CLNK: variants seen among roughly 807,000 people sequenced by gnomAD.
CLNK encodes the protein cytokine dependent hematopoietic cell linker, also known as cytokine-dependent hematopoietic cell linker.
CLNK carries 74 observed loss-of-function variants against 68.6 expected under a neutral mutation model. The ratio of observed to expected loss-of-function variants is 1.08; its 90% CI spans 0.89 to 1.31. CLNK has a LOEUF of 1.31. CLNK is among the 50% of genes most tolerant of loss of function. The pLI, the probability that CLNK is intolerant of heterozygous loss-of-function variation, is 0.00. For missense variants in CLNK, 553 were observed against 515.3 expected (o/e 1.07, Z -0.71); for synonymous variants, 198 against 172.2 (o/e 1.15, Z -1.17).
intron 2 of CLNK, among the ~76,000 whole-genome samples, chr4:10,607,068 T>C (rs908620542): frequency 1.3e-5 from 2 of 152,170 alleles, no homozygotes; most frequent in Non-Finnish European, 2.9e-5. Flanking sequence ...GTTAGACATA[T>C]CTTGGTTCAA....
intron 2 of CLNK, among the ~76,000 whole-genome samples, chr4:10,659,855 T>A (rs909918085): frequency 3.9e-4 from 59 of 152,356 alleles, no homozygotes; most frequent in Middle Eastern, 3.4e-3. Context: ...TCATATTAAT[T>A]AAAAACTTTT....
intron 1 of CLNK, among the ~76,000 whole-genome samples, chr4:10,675,271 G>T (rs535598473): frequency 3.3e-5 from 5 of 152,258 alleles, no homozygotes; most frequent in Admixed American, 6.5e-5. Flanking sequence ...ACATACATTC[G>T]ATTTGGGCAC....
At chr4:10,500,685 A>C (rs1168642845) in intron 18 of CLNK, among the ~76,000 whole-genome samples, 1 of 151,662 alleles carries the variant, frequency 6.6e-6, no homozygotes, top group African/African-American at 2.4e-5. Flanking sequence ...AAAAAAAAAA[A>C]ATGCAGATAG....
At chr4:10,646,294 G>C (rs547237190) in intron 2 of CLNK, among the ~76,000 whole-genome samples, 2 of 152,002 alleles carry the variant, frequency 1.3e-5, no homozygotes, top group African/African-American at 4.8e-5. Flanking sequence ...TAACTTGAAC[G>C]CTTCTTTTAA....
chr4:10,548,891 A>G (rs1202380222), intron 8 of CLNK, among the ~76,000 whole-genome samples: 2 of 152,192 alleles, frequency 1.3e-5, no homozygotes, highest in Non-Finnish European at 2.9e-5. Context: ...TGTTTGGTGT[A>G]CCACTGACCA....
chr4:10,542,248 C>A lies in CLNK; in HGVS notation c.471+7G>T, dbSNP rs529244683. The A allele has an allele frequency of 1.3e-6, 2 of 1,511,466 alleles. No homozygotes were observed. The highest frequency in any genetic ancestry group is 1.8e-6 in the Non-Finnish European group (2 of 1,104,794). 93.6% of individuals were successfully genotyped at this position (1,511,466 alleles called of 1,614,324 possible). ...AATAACAAATGCATTTTATTGATTTCTCTTACCTTGTTCTTTCTTACGGAT... is the reference window on the plus strand; with the variant it reads ...AATAACAAATGCATTTTATTGATTTATCTTACCTTGTTCTTTCTTACGGAT... On this transcript the variant is annotated splice_region_variant and intron_variant, in intron 9 of 18. Coordinates refer to ENST00000226951, the MANE Select transcript of CLNK (RefSeq NM_052964.4).
In CLNK at chr4:10,635,224, G is replaced by C. The variant is rs541150209; in HGVS notation, c.11+32635C>G. 2.0e-5 allele frequency among the ~76,000 whole-genome samples: 3 copies of C among 152,262 alleles called. No individual in the cohort carries two copies. In the South Asian group the frequency reaches 6.2e-4, roughly 32 times the overall value. ...CCTGAGTTTCCGACATTCCGTATTAGACATATGTTGCTCATTTTGACTGCC... is the reference window on the plus strand; with the variant it reads ...CCTGAGTTTCCGACATTCCGTATTACACATATGTTGCTCATTTTGACTGCC... On this transcript the variant is annotated intron_variant, in intron 2 of 18. Coordinates refer to ENST00000226951, the MANE Select transcript of CLNK (RefSeq NM_052964.4).
At position 10,671,004 on chromosome 4, in the gene CLNK, T is replaced by C. The variant is rs533894954; in HGVS notation, c.-42-3093A>G. Among the ~76,000 whole-genome samples, 342 of 152,356 alleles carry C rather than the reference T, an allele frequency of 2.2e-3. 4 individuals carry two copies. The highest frequency in any genetic ancestry group is 7.9e-3 in the African/African-American group (329 of 41,582). On this transcript the variant is annotated intron_variant, in intron 1 of 18. Transcript: ENST00000226951. ...AAATTTGAATAAAAGTTAAAAATATTAGTAGCTTTTGAGAGATGCAAGCAC... is the reference window on the plus strand; with the variant it reads ...AAATTTGAATAAAAGTTAAAAATATCAGTAGCTTTTGAGAGATGCAAGCAC...
chr4:10,705,903 T>A, the CLNK span, among the ~76,000 whole-genome samples: 1 of 152,242 alleles, frequency 6.6e-6, no homozygotes, highest in Non-Finnish European at 1.5e-5. Context: ...TGTAAGACAC[T>A]GGACTAATTT....
chr4:10,699,109 G>C, the CLNK span, among the ~76,000 whole-genome samples: 1 of 150,912 alleles, frequency 6.6e-6, no homozygotes, highest in African/African-American at 2.4e-5. Context: ...TGGGTCTCTA[G>C]CTTGCTGATG....
chr4:10,587,801 G>C (rs568702388), intron 3 of CLNK, among the ~76,000 whole-genome samples: 1 of 152,252 alleles, frequency 6.6e-6, no homozygotes, highest in South Asian at 2.1e-4. Flanking sequence ...CAGCCTATCT[G>C]CCTCCCCGGT....
chr4:10,691,064 A>G, the CLNK span, among the ~76,000 whole-genome samples: 26 of 152,158 alleles, frequency 1.7e-4, no homozygotes, highest in Admixed American at 1.5e-3. Flanking sequence ...TAAGTAATGA[A>G]AAAGACCCAG....
the CLNK span, among the ~76,000 whole-genome samples, chr4:10,693,447 A>T: frequency 6.6e-6 from 1 of 152,250 alleles, no homozygotes; most frequent in Non-Finnish European, 1.5e-5. Context: ...GAAGACAGCC[A>T]TGGGAAGACA....
rs140511902 is a variant in CLNK, at chr4:10,674,070, G to A, written c.-42-6159C>T. 2.9e-3 allele frequency among the ~76,000 whole-genome samples: 440 copies of A among 152,304 alleles called. 3 individuals are homozygous for A. The highest frequency in any genetic ancestry group is 0.01 in the African/African-American group (417 of 41,564). On this transcript the variant is annotated intron_variant, in intron 1 of 18. Transcript: ENST00000226951. ...TCTGTCAGTTTTGCTTGTGGAACCC[G>A]GAGTCACAGCAGGGCACTTGGCATG...
At chr4:10,569,062 T>C (rs1390226921) in intron 5 of CLNK, among the ~76,000 whole-genome samples, 1 of 152,218 alleles carries the variant, frequency 6.6e-6, no homozygotes, top group African/African-American at 2.4e-5. Context: ...ACCATCATTT[T>C]TGAAATTCTA....
chr4:10,611,649 C>A (rs1258741743), intron 2 of CLNK, among the ~76,000 whole-genome samples: 1 of 152,116 alleles, frequency 6.6e-6, no homozygotes, highest in Non-Finnish European at 1.5e-5. Flanking sequence ...ATGATCCCAG[C>A]AGGTCCACAA....
intron 2 of CLNK, among the ~76,000 whole-genome samples, chr4:10,632,537 A>C (rs6845149): frequency 0.21 from 31,809 of 152,244 alleles, 3,571 homozygotes; most frequent in Middle Eastern, 0.33. Flanking sequence ...TACTAAGTTG[A>C]AATGCCACAA....
intron 17 of CLNK, among the ~76,000 whole-genome samples, chr4:10,506,227 T>G (rs747044216): frequency 2.0e-5 from 3 of 152,214 alleles, no homozygotes; most frequent in Non-Finnish European, 2.9e-5. Flanking sequence ...ACATGTAGGT[T>G]TGTACTTCCT....
chr4:10,660,796 A>C (rs1577203701), intron 2 of CLNK, among the ~76,000 whole-genome samples: 1 of 152,222 alleles, frequency 6.6e-6, no homozygotes, highest in East Asian at 1.9e-4. Context: ...AGCCAACCAC[A>C]CCTGCTGCTC....
Sources: allele counts gnomAD v4.1 joint callset (sites outside exome capture counted in the v4.1 genomes callset), GRCh38; gene constraint gnomAD v4.1.1; transcripts MANE v1.5; gene names NCBI Gene and HGNC (gene_info 2026-07-23, HGNC 2026-07-21).